Variants in PRKN observed in about 807,000 individuals in gnomAD.
The protein encoded by PRKN is E3 ubiquitin-protein ligase parkin.
Under a neutral mutation model 59.5 loss-of-function variants are expected in PRKN, and 56 were observed. The ratio of observed to expected loss-of-function variants is 0.94; its 90% CI spans 0.76 to 1.18. PRKN has a LOEUF of 1.18. PRKN is among the 50% of genes most tolerant of loss of function. The pLI is 0.00. For missense variants in PRKN, 657 were observed against 596.4 expected, an observed-to-expected ratio of 1.10 and a Z score of -1.06; for synonymous variants, 250 against 222.1, an observed-to-expected ratio of 1.13 and a Z score of -1.12.
At chr6:162,385,984 T>A (rs1025195182) in intron 2 of PRKN, among the ~76,000 whole-genome samples, 1 of 152,156 alleles carries the variant, frequency 6.6e-6, no homozygotes, top group Admixed American at 6.5e-5. Context: ...CAGTATAATC[T>A]TGGAAAAATC....
chr6:161,406,363 T>C (rs377714752), intron 9 of PRKN, among the ~76,000 whole-genome samples: 1 of 152,086 alleles, frequency 6.6e-6, no homozygotes, highest in African/African-American at 2.4e-5. Context: ...ATGGGCACAT[T>C]TTAGCTATTT....
chr6:162,335,186 TTC>T (rs112632996), intron 2 of PRKN, among the ~76,000 whole-genome samples: 1,679 of 149,076 alleles, frequency 0.011, 16 homozygotes, highest in African/African-American at 0.033. Context: ...GCTACTTTTT[TTC>T]TTTTTCTTTT....
Position 161,526,579 on chromosome 6 carries a change from ATAAG to A in PRKN, c.1083+22271_1083+22274del, listed in dbSNP as rs1562505150. ...GAAATATTAAAATATATATATAAATATAAGTAATATAAATAAATATAATGAAATA... is the reference window on the plus strand; with the variant it reads ...GAAATATTAAAATATATATATAAATATAATATAAATAAATATAATGAAATA... On this transcript the variant is annotated intron_variant, in intron 9 of 11. Coordinates refer to ENST00000366898, the MANE Select transcript of PRKN (RefSeq NM_004562.3). The surrounding 1 kb of genome is among the most constrained non-coding windows in gnomAD (Gnocchi z 4.1). Among the ~76,000 whole-genome samples, 2 of 149,238 alleles carry A rather than the reference ATAAG, an allele frequency of 1.3e-5. No homozygotes were observed. Among genetic ancestry groups the A allele is most frequent in the Non-Finnish European group, 3.0e-5 (2 of 67,414 alleles).
intron 1 of PRKN, among the ~76,000 whole-genome samples, chr6:162,660,038 C>T (rs894606553): frequency 2.6e-5 from 4 of 152,142 alleles, no homozygotes; most frequent in Non-Finnish European, 5.9e-5. Flanking sequence ...CTATCCTAGC[C>T]ATTTCATCCA....
intron 5 of PRKN, among the ~76,000 whole-genome samples, chr6:162,021,461 A>ATATATATATATTTT (rs59250759): frequency 8.1e-5 from 2 of 24,650 alleles, no homozygotes; most frequent in African/African-American, 1.8e-4. Flanking sequence ...ATATATATAT[A>ATATATATATATTTT]TTTTTTTTTT....
At position 161,405,607 on chromosome 6, in the gene PRKN, AAAATAAATAAAT is replaced by A. The variant is rs10655203; in HGVS notation, c.1084-18742_1084-18731del. Among the ~76,000 whole-genome samples, 10,207 of 145,064 alleles carry A rather than the reference AAAATAAATAAAT, an allele frequency of 0.07. 413 individuals carry two copies. The highest frequency in any genetic ancestry group is 0.081 in the Non-Finnish European group (5,355 of 66,410). On this transcript the variant is annotated intron_variant, in intron 9 of 11. Coordinates refer to ENST00000366898, the MANE Select transcript of PRKN (RefSeq NM_004562.3). The surrounding 1 kb of genome is among the most constrained non-coding windows in gnomAD (Gnocchi z 5.1). ...AAAAAATAAAATAAAATAAAAATTAAAAATAAATAAATAAATAAATAAATAAATAAATAAATA... is the reference window on the plus strand; with the variant it reads ...AAAAAATAAAATAAAATAAAAATTAAAAATAAATAAATAAATAAATAAATA...
intron 7 of PRKN, among the ~76,000 whole-genome samples, chr6:161,757,886 T>TATATATATACACAC (rs1416363617): frequency 8.6e-6 from 1 of 116,234 alleles, no homozygotes; most frequent in African/African-American, 3.6e-5. Context: ...TATATATATA[T>TATATATATACACAC]ACACACACAC....
intron 4 of PRKN, among the ~76,000 whole-genome samples, chr6:162,109,572 T>C (rs1441951060): frequency 6.6e-6 from 1 of 152,164 alleles, no homozygotes; most frequent in Admixed American, 6.5e-5. Context: ...GTTGACTCCA[T>C]GAGCTCAGCA....
intron 6 of PRKN, among the ~76,000 whole-genome samples, chr6:161,934,732 C>T (rs1019066063): frequency 3.3e-5 from 5 of 152,098 alleles, no homozygotes; most frequent in Non-Finnish European, 7.4e-5. Flanking sequence ...CTTTGAGAGA[C>T]AGGTTTTTTC....
chr6:162,642,717 A>T lies in PRKN; in HGVS notation c.7+84945T>A. Among the ~76,000 whole-genome samples the T allele has an allele frequency of 1.3e-5, 2 of 152,022 alleles. 1 individual carries two copies. Among genetic ancestry groups the T allele is most frequent in the South Asian group, 4.2e-4 (2 of 4,810 alleles). On this transcript the variant is annotated intron_variant, in intron 1 of 11. Coordinates refer to ENST00000366898, the MANE Select transcript of PRKN (RefSeq NM_004562.3). ...ATTATACTTAAAATTGAAATATCAT[A>T]GAAAAGTTATATAACTTTTTTCTTA...
At chr6:161,654,046 TG>T (rs1314934058) in intron 7 of PRKN, among the ~76,000 whole-genome samples, 1 of 152,114 alleles carries the variant, frequency 6.6e-6, no homozygotes, top group Non-Finnish European at 1.5e-5. Context: ...TTGTTGAGGC[TG>T]GTCTCGACTC....
At chr6:161,660,224 C>G (rs1341549604) in intron 7 of PRKN, among the ~76,000 whole-genome samples, 2 of 152,104 alleles carry the variant, frequency 1.3e-5, no homozygotes, top group Non-Finnish European at 2.9e-5. Flanking sequence ...TCACGTAGTA[C>G]GCATTGCTGA....
intron 1 of PRKN, among the ~76,000 whole-genome samples, chr6:162,446,178 A>G (rs1261562034): frequency 6.6e-6 from 1 of 152,220 alleles, no homozygotes; most frequent in Non-Finnish European, 1.5e-5. Context: ...ATCAGAGACC[A>G]TAAGACAACC....
chr6:162,481,979 T>G (rs1792329782), intron 1 of PRKN, among the ~76,000 whole-genome samples: 1 of 152,192 alleles, frequency 6.6e-6, no homozygotes, highest in Non-Finnish European at 1.5e-5. Context: ...CTGGGGGGCT[T>G]GGTGTCTCAT....
At chr6:162,065,815 G>A (rs545035772) in intron 4 of PRKN, among the ~76,000 whole-genome samples, 119 of 152,156 alleles carry the variant, frequency 7.8e-4, no homozygotes, top group Middle Eastern at 3.4e-3. Context: ...GTGAGAACAC[G>A]CGGTGTTTGA....
At chr6:161,438,217 T>A (rs201610767) in intron 9 of PRKN, among the ~76,000 whole-genome samples, 1 of 134,136 alleles carries the variant, frequency 7.5e-6, no homozygotes, top group African/African-American at 2.8e-5. Flanking sequence ...TTCTGTTAAT[T>A]TTTTTTTTTT....
intron 5 of PRKN, among the ~76,000 whole-genome samples, chr6:161,987,218 A>T (rs1781467964): frequency 6.6e-6 from 1 of 152,238 alleles, no homozygotes; most frequent in Non-Finnish European, 1.5e-5. Context: ...TTGTAAATTT[A>T]CCTATAAACC....
intron 9 of PRKN, among the ~76,000 whole-genome samples, chr6:161,437,174 G>A (rs895888346): frequency 2.0e-5 from 3 of 152,132 alleles, no homozygotes; most frequent in African/African-American, 7.2e-5. Context: ...ATAATGGTGC[G>A]AGGACCACGA....
chr6:161,650,525 A>AAG (rs746500729), intron 7 of PRKN, among the ~76,000 whole-genome samples: 16 of 151,878 alleles, frequency 1.1e-4, no homozygotes, highest in South Asian at 1.0e-3. Context: ...GAGAAAGAGA[A>AAG]AGAGAGAGAG....
Sources: gnomAD v4.1 joint callset for allele counts (sites outside exome capture counted in the v4.1 genomes callset) on GRCh38, gnomAD v4.1.1 for gene constraint, Gnocchi (gnomAD v3.1) non-coding constraint, MANE v1.5 for transcripts, NCBI Gene and HGNC (gene_info 2026-07-23, HGNC 2026-07-21) for gene names.